Variants in SORCS1 observed in about 807,000 individuals in gnomAD.
SORCS1 encodes sortilin related VPS10 domain containing receptor 1.
A neutral mutation model predicts 146.1 loss-of-function variants in SORCS1; 60 were observed. The observed-to-expected ratio is 0.41, with a 90% CI of 0.33 to 0.51. SORCS1 has a LOEUF of 0.51. Ranked by LOEUF, SORCS1 falls within the 20% of genes least tolerant of loss-of-function variation. The probability of loss-of-function intolerance (pLI) is 0.21; values close to 1 mark genes in which losing one functional copy is unlikely to be tolerated. For missense variants in SORCS1, 1,352 were observed against 1,487.6 expected, an observed-to-expected ratio of 0.91 and a Z score of 1.50; for synonymous variants, 637 against 584.0, an observed-to-expected ratio of 1.09 and a Z score of -1.31.
At position 106,607,188 on chromosome 10, in the gene SORCS1, C is replaced by T. The variant is rs1846660710; in HGVS notation, c.3143G>A (p.Arg1048Lys). 1 of 1,614,008 alleles carries T rather than the reference C, an allele frequency of 6.2e-7. No individual in the cohort carries two copies. The highest frequency in any genetic ancestry group is 1.1e-5 in the South Asian group (1 of 91,074). Residue 1048 changes from arginine to lysine, a missense_variant, in exon 23 of 26, where the codon AGG becomes AAG. Arg to Lys is a conservative substitution (Grantham distance 26, BLOSUM62 2). This residue lies in a region of SORCS1 where 214 missense variants were observed against 204.8 expected (regional missense o/e 1.05). Transcript: ENST00000263054. ...PYQDPAGENK[R>K]STDDLEQISE... ...CACCTGCTCCAGGTCATCAGTTGAC[C>T]TTTTGTTTTCTCCAGCTGGATCCTG... is the stretch of plus-strand genomic sequence containing the variant.
chr10:106,867,624 A>T (rs1483503751), intron 2 of SORCS1, among the ~76,000 whole-genome samples: 2 of 152,206 alleles, frequency 1.3e-5, no homozygotes, highest in East Asian at 3.9e-4. Context: ...CTCACCACAG[A>T]TTTCATATCT....
Position 106,707,803 on chromosome 10 carries a change from GTC to G in SORCS1, c.1144-1171_1144-1170del, listed in dbSNP as rs140779011. Among the ~76,000 whole-genome samples the G allele has an allele frequency of 5.3e-3, 800 of 151,478 alleles. 9 individuals are homozygous for G. Among genetic ancestry groups the G allele is most frequent in the African/African-American group, 0.019 (782 of 41,374 alleles). ...GGCACAGTGTCAAGGGCACCACCACGTCTCTCTCTCTCTCTCCTACACAGCCA... is the reference window on the plus strand; with the variant it reads ...GGCACAGTGTCAAGGGCACCACCACGTCTCTCTCTCTCTCCTACACAGCCA... On this transcript the variant is annotated intron_variant, in intron 7 of 25. Coordinates refer to ENST00000263054, the MANE Select transcript of SORCS1 (RefSeq NM_052918.5).
Position 107,139,815 on chromosome 10 carries a change from A to G in SORCS1, c.558+24154T>C, listed in dbSNP as rs546010759. ...CCCAGACATGGCTAATAACTGGATC[A>G]TATTCAGCAGCTCCATGCACCTGGC... On this transcript the variant is annotated intron_variant, in intron 1 of 25. Coordinates refer to ENST00000263054, the MANE Select transcript of SORCS1 (RefSeq NM_052918.5). Among the ~76,000 whole-genome samples, 7 of 152,344 alleles carry G rather than the reference A, an allele frequency of 4.6e-5. No homozygotes were observed. In the South Asian group the frequency reaches 1.4e-3, roughly 32 times the overall value.
intron 1 of SORCS1, among the ~76,000 whole-genome samples, chr10:107,001,997 A>T (rs887016263): frequency 3.9e-5 from 6 of 152,198 alleles, no homozygotes; most frequent in African/African-American, 1.4e-4. Context: ...ATGTGTCACA[A>T]TTATGATTCT....
chr10:106,963,767 T>C (rs2139098056), intron 1 of SORCS1, among the ~76,000 whole-genome samples: 1 of 152,314 alleles, frequency 6.6e-6, no homozygotes, highest in East Asian at 1.9e-4. Context: ...TTCTGCAGAT[T>C]TAATTTAATA....
At chr10:106,835,821 C>CGAT (rs1948754204) in intron 2 of SORCS1, among the ~76,000 whole-genome samples, 1 of 151,878 alleles carries the variant, frequency 6.6e-6, no homozygotes, top group Admixed American at 6.6e-5. Flanking sequence ...ACCTGACCAA[C>CGAT]ATATAGAAGC....
chr10:106,897,015 C>G (rs565944704), intron 2 of SORCS1, among the ~76,000 whole-genome samples: 3 of 151,618 alleles, frequency 2.0e-5, no homozygotes, highest in South Asian at 4.2e-4. Flanking sequence ...CTCAGCCTCC[C>G]GAGTAGCTGG....
intron 18 of SORCS1, among the ~76,000 whole-genome samples, chr10:106,637,933 T>C (rs1363873935): frequency 6.6e-6 from 1 of 152,218 alleles, no homozygotes; most frequent in Non-Finnish European, 1.5e-5. Flanking sequence ...TTATGTCTTC[T>C]GTACTTGGTG....
At chr10:107,066,537 A>G (rs556042206) in intron 1 of SORCS1, among the ~76,000 whole-genome samples, 1 of 152,330 alleles carries the variant, frequency 6.6e-6, no homozygotes, top group South Asian at 2.1e-4. Context: ...AAACGAGTCT[A>G]TTGCACTAGA....
chr10:106,720,581 T>A (rs2135934137), intron 6 of SORCS1, among the ~76,000 whole-genome samples: 1 of 151,816 alleles, frequency 6.6e-6, no homozygotes. Context: ...AGTACGATGC[T>A]ACTTTTTTTT....
chr10:106,919,206 G>A (rs1952587050), intron 2 of SORCS1, among the ~76,000 whole-genome samples: 1 of 152,148 alleles, frequency 6.6e-6, no homozygotes, highest in Non-Finnish European at 1.5e-5. Context: ...AGAGGTGATG[G>A]TATGATAGCT....
the SORCS1 span, among the ~76,000 whole-genome samples, chr10:107,180,182 C>T: frequency 1.3e-5 from 2 of 152,122 alleles, no homozygotes; most frequent in Admixed American, 6.5e-5. Flanking sequence ...TCCCAAAGTG[C>T]TAGGATTACA....
Position 107,129,570 on chromosome 10 carries a change from T to C in SORCS1, c.558+34399A>G, listed in dbSNP as rs527841462. Among the ~76,000 whole-genome samples the C allele has an allele frequency of 2.6e-5, 4 of 152,358 alleles. No homozygotes were observed. The South Asian group carries it at 6.2e-4, about 24-fold the overall frequency. On this transcript the variant is annotated intron_variant, in intron 1 of 25. Coordinates refer to ENST00000263054, the MANE Select transcript of SORCS1 (RefSeq NM_052918.5). Reference sequence around the variant, plus strand: ...TTAATGTCTTAATTAGGAAAATATTTCACACGAGCATAATTTAAGTTTTAA... The same window carrying C: ...TTAATGTCTTAATTAGGAAAATATTCCACACGAGCATAATTTAAGTTTTAA...
chr10:106,872,579 G>A (rs1950451846), intron 2 of SORCS1, among the ~76,000 whole-genome samples: 1 of 152,142 alleles, frequency 6.6e-6, no homozygotes, highest in Non-Finnish European at 1.5e-5. Flanking sequence ...AATAGGGATA[G>A]GCATGCCTAT....
intron 4 of SORCS1, among the ~76,000 whole-genome samples, chr10:106,774,259 AC>A (rs1400601745): frequency 5.9e-5 from 9 of 152,154 alleles, no homozygotes; most frequent in Non-Finnish European, 8.8e-5. Context: ...TCATATTACC[AC>A]AGTTTATACT....
At chr10:106,578,926 T>C (rs562734059) in intron 25 of SORCS1, 3 of 1,423,216 alleles carry the variant, frequency 2.1e-6, no homozygotes, top group Admixed American at 2.9e-5. Flanking sequence ...TGTTTGTTTT[T>C]CCCCCATCCC....
At chr10:106,660,674 C>T (rs755184454) in intron 17 of SORCS1, among the ~76,000 whole-genome samples, 1 of 150,928 alleles carries the variant, frequency 6.6e-6, no homozygotes, top group Non-Finnish European at 1.5e-5. Context: ...CTCTTGAATC[C>T]AGGAGGCAGA....
intron 2 of SORCS1, among the ~76,000 whole-genome samples, chr10:106,934,156 G>C (rs1953569563): frequency 1.3e-5 from 2 of 151,616 alleles, no homozygotes; most frequent in South Asian, 4.2e-4. Context: ...AATAGACATT[G>C]GCGTGGATGT....
chr10:106,873,034 C>T (rs1489377509), intron 2 of SORCS1, among the ~76,000 whole-genome samples: 2 of 151,912 alleles, frequency 1.3e-5, no homozygotes, highest in African/African-American at 2.4e-5. Context: ...ATTAGCCAGG[C>T]GTGGTGGCAA....
Sources: gnomAD v4.1 joint callset for allele counts (sites outside exome capture counted in the v4.1 genomes callset) on GRCh38, gnomAD v4.1.1 for gene constraint, gnomAD v4.1.1 regional missense constraint, MANE v1.5 for transcripts, NCBI Gene and HGNC (gene_info 2026-07-23, HGNC 2026-07-21) for gene names.